SLC44A4: variants seen among roughly 807,000 people sequenced by gnomAD.
SLC44A4 encodes the protein choline transporter-like protein 4.
In SLC44A4, 74 loss-of-function variants were observed where a neutral mutation model predicts 97.0. That is an observed-to-expected ratio of 0.76 (90% CI 0.63 to 0.93). The LOEUF (loss-of-function observed/expected upper bound fraction) is 0.93. SLC44A4 is among the 40% of genes least tolerant of loss of function. The probability of loss-of-function intolerance (pLI) is 0.00; values close to 1 mark genes in which losing one functional copy is unlikely to be tolerated. For synonymous variants in SLC44A4, 325 were observed against 363.8 expected, an observed-to-expected ratio of 0.89 and a Z score of 1.21; for missense variants, 799 against 902.9, an observed-to-expected ratio of 0.88 and a Z score of 1.48.
At position 31,878,902 on chromosome 6, in the gene SLC44A4, C is replaced by G; in HGVS notation, c.40+39G>C. The G allele has an allele frequency of 6.2e-7, 1 of 1,609,170 alleles. No homozygotes were observed. Among genetic ancestry groups the G allele is most frequent in the Non-Finnish European group, 8.5e-7 (1 of 1,175,600 alleles). The stretch of plus-strand genomic sequence containing the variant: ...ACCATTCCCAAAGTACCCGTCCTCC[C>G]CTCCCTCCACAGGGTCCCGGGCCTC... On this transcript the variant is annotated intron_variant, in intron 1 of 20. Coordinates refer to ENST00000229729, the MANE Select transcript of SLC44A4 (RefSeq NM_025257.3). This position sits in a 1 kb window ranked among gnomAD's most constrained non-coding sequence, Gnocchi z 4.0.
In SLC44A4 at chr6:31,864,703, C is replaced by T. The variant is rs773968083; in HGVS notation, c.1960G>A (p.Gly654Ser). Reference protein sequence around the residue: ...SILGAYVIASGFFSVFGMCVD... With the variant: ...SILGAYVIASSFFSVFGMCVD... ...CACATGCCGAAAACGCTGAAGAAGC[C>T]GCTGGCGATGACATAGGCCCCCAGG... is the stretch of plus-strand genomic sequence containing the variant. Residue 654 changes from glycine to serine, a missense_variant, in exon 20 of 21, where the codon GGC becomes AGC. Physicochemically the swap from Gly to Ser is moderately conservative, Grantham distance 56. This residue lies in a region of SLC44A4 where 379 missense variants were observed against 438.3 expected (regional missense o/e 0.86). Transcript: ENST00000229729. 2.0e-5 allele frequency: 32 copies of T among 1,613,822 alleles called. No homozygotes were observed. The highest frequency in any genetic ancestry group is 1.2e-4 in the Admixed American group (7 of 59,984).
At chr6:31,875,409 T>G (rs1316601384) in intron 4 of SLC44A4, among the ~76,000 whole-genome samples, 2 of 152,220 alleles carry the variant, frequency 1.3e-5, no homozygotes, top group Non-Finnish European at 2.9e-5. Flanking sequence ...TGGAACATAG[T>G]AAATGCTATA....
At chr6:31,868,392 G>T (rs1369259756) in intron 13 of SLC44A4, among the ~76,000 whole-genome samples, 1 of 152,204 alleles carries the variant, frequency 6.6e-6, no homozygotes, top group South Asian at 2.1e-4. Context: ...CTTATCAGGT[G>T]CCAGGCATTG....
intron 3 of SLC44A4, 55 bp from the exon 4 acceptor site, chr6:31,875,985 T>C: frequency 6.2e-7 from 1 of 1,612,786 alleles, no homozygotes; most frequent in Non-Finnish European, 8.5e-7. Context: ...GTGGGGCAGT[T>C]ATGGGAATGG....
At chr6:31,870,425 T>G (rs1324322936) in intron 11 of SLC44A4, among the ~76,000 whole-genome samples, 178 bp downstream of exon 11, 1 of 152,042 alleles carries the variant, frequency 6.6e-6, no homozygotes, top group Non-Finnish European at 1.5e-5. Context: ...AGGCAGGAAT[T>G]ATTGTTACCC....
Position 31,876,250 on chromosome 6 carries a change from T to A in SLC44A4, c.90-121A>T. ...CTGCAGCATGGGCATCAGTAGGCTT[T>A]ATTTTTATTTTTTTATTGCTTTTAC... On this transcript the variant is annotated intron_variant, in intron 2 of 20. Coordinates refer to ENST00000229729, the MANE Select transcript of SLC44A4 (RefSeq NM_025257.3). This position sits in a 1 kb window ranked among gnomAD's most constrained non-coding sequence, Gnocchi z 4.8. The A allele has an allele frequency of 1.5e-6, 1 of 680,044 alleles. No individual in the cohort carries two copies. Among genetic ancestry groups the A allele is most frequent in the Non-Finnish European group, 2.5e-6 (1 of 407,322 alleles). The allele number at this position is 680,044 out of a possible 1,614,324, so 42.1% of individuals were successfully genotyped here.
chr6:31,868,662 G>A (rs1762985173), intron 13 of SLC44A4, among the ~76,000 whole-genome samples: 1 of 152,174 alleles, frequency 6.6e-6, no homozygotes, highest in Non-Finnish European at 1.5e-5. Context: ...CTGGCGTGGT[G>A]TCATACGCTA....
intron 13 of SLC44A4, among the ~76,000 whole-genome samples, chr6:31,867,665 T>G (rs542333186): frequency 8.6e-5 from 13 of 151,622 alleles, no homozygotes; most frequent in South Asian, 8.3e-4. Flanking sequence ...GATCAAGGCT[T>G]CAGTGAGCCA....
chr6:31,873,698 T>C (rs1005608426), intron 7 of SLC44A4, among the ~76,000 whole-genome samples: 2 of 151,656 alleles, frequency 1.3e-5, no homozygotes, highest in Non-Finnish European at 2.9e-5. Context: ...AAAGTTCAAC[T>C]GTGATCCTAC....
rs962826625 is a variant in SLC44A4, at chr6:31,874,709, G to A, written c.468+12C>T. 3.1e-6 allele frequency: 5 copies of A among 1,604,200 alleles called. No individual in the cohort carries two copies. The Admixed American group carries it at 6.8e-5, about 22-fold the overall frequency. On this transcript the variant is annotated intron_variant, in intron 6 of 20. Transcript: ENST00000229729. This position sits in a 1 kb window ranked among gnomAD's most constrained non-coding sequence, Gnocchi z 4.8. Reference sequence around the variant, plus strand: ...TCTGGGCGACAGTGATGAGGTTAGGGGCAATATTCACCATATTCCAGGGTA... The same window carrying A: ...TCTGGGCGACAGTGATGAGGTTAGGAGCAATATTCACCATATTCCAGGGTA...
intron 7 of SLC44A4, among the ~76,000 whole-genome samples, chr6:31,872,511 C>T (rs1398904451): frequency 1.3e-5 from 2 of 152,154 alleles, no homozygotes; most frequent in African/African-American, 4.8e-5. Flanking sequence ...GTTGGGATTA[C>T]AGGTGTGAGT....
At chr6:31,868,822 A>G (rs989997668) in intron 13 of SLC44A4, among the ~76,000 whole-genome samples, 8 of 151,562 alleles carry the variant, frequency 5.3e-5, no homozygotes, top group Admixed American at 4.6e-4. Context: ...CAAACAAACA[A>G]ACAAACAAAC....
Position 31,866,057 on chromosome 6 carries a change from T to C in SLC44A4, c.1303A>G (p.Ile435Val). ...TGCAGATTGAAGACAGAACGTTGGA[T>C]TAGGCCTTTGGATGAGTAGCCCTGG... ...VFQGYSSKGL[I>V]QRSVFNLQIY... is the part of the protein sequence containing the mutation. Residue 435 changes from isoleucine (I) to valine (V), a missense_variant, in exon 14 of 21, where the codon ATC becomes GTC. By Grantham distance (29) the Ile-to-Val change is conservative. Around this residue, in one of 3 missense-constraint regions of SLC44A4, gnomAD observed 379 missense variants for 438.3 expected, o/e 0.86. Transcript: ENST00000229729. 1.9e-6 allele frequency: 3 copies of C among 1,614,168 alleles called. No homozygotes were observed. Among genetic ancestry groups the C allele is most frequent in the Non-Finnish European group, 2.5e-6 (3 of 1,180,028 alleles).
rs781190599 is a variant in SLC44A4, at chr6:31,877,454, C to T, written c.41-372G>A. 7.8e-6 allele frequency: 3 copies of T among 382,608 alleles called. No homozygotes were observed. The highest frequency in any genetic ancestry group is 1.2e-5 in the Non-Finnish European group (3 of 242,622). 23.7% of individuals were successfully genotyped at this position (382,608 alleles called of 1,614,324 possible). A position where few individuals can be genotyped will look rare whatever the true frequency, so the allele number is the denominator to read the frequency against. ...GGACTCCCAGTGGCTCTCACTCCCT[C>T]ATTCTCATCCCTGCCTCCTCCCTAA... On this transcript the variant is annotated intron_variant, in intron 1 of 20. Transcript: ENST00000229729. The surrounding 1 kb of genome is among the most constrained non-coding windows in gnomAD (Gnocchi z 6.5).
At position 31,876,061 on chromosome 6, in the gene SLC44A4, A is replaced by T; in HGVS notation, c.158T>A (p.Ile53Asn). 6.2e-7 allele frequency: 1 copy of T among 1,613,946 alleles called. No homozygotes were observed. The highest frequency in any genetic ancestry group is 8.5e-7 in the Non-Finnish European group (1 of 1,179,990). Residue 53 changes from isoleucine to asparagine, a missense_variant, in exon 3 of 21, where the codon ATT (isoleucine) becomes AAT (asparagine). By Grantham distance (149) the Ile-to-Asn change is moderately radical (BLOSUM62 -3). Around this residue, in one of 3 missense-constraint regions of SLC44A4, gnomAD observed 409 missense variants for 434.1 expected, o/e 0.94. Coordinates refer to ENST00000229729, the MANE Select transcript of SLC44A4 (RefSeq NM_025257.3). The surrounding 1 kb of genome is among the most constrained non-coding windows in gnomAD (Gnocchi z 4.8). ...CTGAGCAGCTGGAAACTCACCCACAATCCCCACCACGATGTAACCTAGAAT... is the reference window on the plus strand; with the variant it reads ...CTGAGCAGCTGGAAACTCACCCACATTCCCCACCACGATGTAACCTAGAAT... ...LFILGYIVVG[I>N]VAWLYGDPRQ...
chr6:31,864,536 C>G lies in SLC44A4; in HGVS notation c.2011+116G>C, dbSNP rs866126937. On this transcript the variant is annotated intron_variant, in intron 20 of 20. Coordinates refer to ENST00000229729, the MANE Select transcript of SLC44A4 (RefSeq NM_025257.3). ...ATGTCACAAGAAGCTCCCTCTGGTT[C>G]GTTTAGCTCACAAAGGCATTGTTTC... 1.8e-4 allele frequency: 168 copies of G among 949,264 alleles called. 5 individuals carry two copies. The South Asian group carries it at 2.0e-3, about 11-fold the overall frequency. The allele number at this position is 949,264 out of a possible 1,614,324, so 58.8% of individuals were successfully genotyped here.
chr6:31,866,187 G>C (rs1762863712), intron 13 of SLC44A4, 61 bp from the exon 14 acceptor site: 3 of 1,577,334 alleles, frequency 1.9e-6, no homozygotes, highest in Non-Finnish European at 1.7e-6. Flanking sequence ...ATGGAGCCTG[G>C]GCGTCCCATT....
At position 31,871,576 on chromosome 6, in the gene SLC44A4, C is replaced by G; in HGVS notation, c.530-15G>C. ...GCGCCCCAGAGCTGGAAGGGAGAGC[C>G]GGGCTGCTGGGTTGGGGGCCAGGAG... On this transcript the variant is annotated splice_polypyrimidine_tract_variant and intron_variant, in intron 7 of 20. Coordinates refer to ENST00000229729, the MANE Select transcript of SLC44A4 (RefSeq NM_025257.3). The G allele has an allele frequency of 3.1e-6, 5 of 1,607,702 alleles. No homozygotes were observed. Among genetic ancestry groups the G allele is most frequent in the Non-Finnish European group, 4.3e-6 (5 of 1,174,762 alleles).
chr6:31,870,004 G>T (rs1027304038), intron 11 of SLC44A4, among the ~76,000 whole-genome samples: 1 of 151,528 alleles, frequency 6.6e-6, no homozygotes, highest in Admixed American at 6.6e-5. Context: ...AAAAGGGGGG[G>T]GCTGACCCCT....
Sources: gnomAD v4.1 joint callset for allele counts (sites outside exome capture counted in the v4.1 genomes callset) on GRCh38, gnomAD v4.1.1 for gene constraint, gnomAD v4.1.1 regional missense constraint, Gnocchi (gnomAD v3.1) non-coding constraint, MANE v1.5 for transcripts, NCBI Gene and HGNC (gene_info 2026-07-23, HGNC 2026-07-21) for gene names.